RXFP2: variants seen among roughly 807,000 people sequenced by gnomAD.
RXFP2 encodes relaxin receptor 2.
In RXFP2, 68 loss-of-function variants were observed where a neutral mutation model predicts 88.6. The ratio of observed to expected loss-of-function variants is 0.77; its 90% CI spans 0.63 to 0.94. RXFP2 has a LOEUF of 0.94. Ranked by LOEUF, RXFP2 falls within the 40% of genes least tolerant of loss-of-function variation. RXFP2 has a pLI of 0.00. For missense variants in RXFP2, 791 were observed against 893.9 expected (o/e 0.88, Z 1.47); for synonymous variants, 329 against 306.8 (o/e 1.07, Z -0.76).
chr13:31,784,119 G>A (rs546837379), intron 11 of RXFP2, among the ~76,000 whole-genome samples: 27 of 151,512 alleles, frequency 1.8e-4, no homozygotes, highest in East Asian at 5.8e-4. Context: ...GAGCCACCAC[G>A]CCCAACCCAG....
In RXFP2 at chr13:31,777,429, T is replaced by G. The variant is rs764054176; in HGVS notation, c.695T>G (p.Leu232Ter). Reference sequence around the variant, plus strand: ...ATTTCACAGCGCTTGTTTACGGGATTAAATTCCTTGTTTTTCCTGTAAGTA... The same window carrying G: ...ATTTCACAGCGCTTGTTTACGGGATGAAATTCCTTGTTTTTCCTGTAAGTA... Reference protein sequence around the residue: ...TRISQRLFTGLNSLFFLSMVN... With the variant: ...TRISQRLFTG Residue 232 changes from leucine (L) to a stop codon, truncating the protein, a stop_gained, in exon 8 of 18, where the codon TTA becomes TGA. Transcript: ENST00000298386. LOFTEE classifies it high-confidence loss of function. 2.5e-5 allele frequency: 40 copies of G among 1,610,416 alleles called. No homozygotes were observed. In the Admixed American group the frequency reaches 4.3e-4, roughly 17 times the overall value.
At chr13:31,765,783 T>C (rs1455706153) in intron 4 of RXFP2, among the ~76,000 whole-genome samples, 173 bp from the exon 5 acceptor site, 1 of 152,202 alleles carries the variant, frequency 6.6e-6, no homozygotes, top group Non-Finnish European at 1.5e-5. Context: ...TACTTTATTT[T>C]GCTTTATAAA....
At chr13:31,769,973 T>C (rs1240115892) in intron 5 of RXFP2, among the ~76,000 whole-genome samples, 1 of 152,234 alleles carries the variant, frequency 6.6e-6, no homozygotes, top group South Asian at 2.1e-4. Flanking sequence ...AGAACAGCAC[T>C]AAATTGTCTT....
intron 17 of RXFP2, among the ~76,000 whole-genome samples, chr13:31,800,744 G>C (rs1201716441): frequency 6.6e-6 from 1 of 152,162 alleles, no homozygotes; most frequent in African/African-American, 2.4e-5. Context: ...TGTGAGATTG[G>C]GGTGGGATTC....
rs761843590 is a variant in RXFP2 at position 31,802,178 on chromosome 13, C to T, written c.2038C>T (p.Leu680Phe). ...TMTSWIVIFF[L>F]PVNSALNPIL... is the part of the protein sequence containing the mutation. ...GACTTCCTGGATAGTGATTTTTTTC[C>T]TTCCAGTTAACAGTGCTTTGAATCC... is the stretch of plus-strand genomic sequence containing the variant. Residue 680 changes from leucine (L) to phenylalanine (F), a missense_variant, in exon 18 of 18, where the codon CTT becomes TTT. Transcript: ENST00000298386. The T allele has an allele frequency of 1.2e-6, 2 of 1,612,824 alleles. No homozygotes were observed. The highest frequency in any genetic ancestry group is 1.3e-5 in the African/African-American group (1 of 74,750).
intron 16 of RXFP2, 25 bp downstream of exon 16, chr13:31,793,113 G>A (rs777526484): frequency 6.3e-7 from 1 of 1,578,702 alleles, no homozygotes; most frequent in Non-Finnish European, 8.7e-7. Flanking sequence ...TTCATTTCCT[G>A]GAAAAACATA....
chr13:31,801,420 T>C (rs191146480), intron 17 of RXFP2, among the ~76,000 whole-genome samples: 4 of 152,050 alleles, frequency 2.6e-5, no homozygotes, highest in Admixed American at 1.3e-4. Context: ...GCATAAGTGA[T>C]TCGCTCACAC....
rs771675779 is a variant in RXFP2 at position 31,792,889 on chromosome 13, T to A, written c.1587T>A (p.Ser529Arg). 1.9e-6 allele frequency: 3 copies of A among 1,614,170 alleles called. No individual in the cohort carries two copies. The Admixed American group carries it at 5.0e-5, about 27-fold the overall frequency. ...TCCTGGTCATTGTCTTCCCCTTCAG[T>A]AACATTCGACCTGGAAAACGGCAGA... ...EKFLVIVFPFSNIRPGKRQTS... is the reference protein window; with the variant it reads ...EKFLVIVFPFRNIRPGKRQTS... The change falls in exon 16 of 18, where the codon AGT becomes AGA. Residue 529 changes from serine to arginine, a missense_variant. Ser to Arg is a moderately radical substitution (Grantham distance 110). Coordinates refer to ENST00000298386, the MANE Select transcript of RXFP2 (RefSeq NM_130806.5).
intron 1 of RXFP2, among the ~76,000 whole-genome samples, chr13:31,749,100 C>G (rs2138388004): frequency 6.6e-6 from 1 of 152,260 alleles, no homozygotes; most frequent in African/African-American, 2.4e-5. Context: ...TTTGTATTCT[C>G]CTTAATACAT....
chr13:31,790,479 T>G (rs948584781), intron 14 of RXFP2, among the ~76,000 whole-genome samples: 11 of 152,240 alleles, frequency 7.2e-5, no homozygotes, highest in African/African-American at 2.4e-4. Context: ...AATTGCCTCC[T>G]GTTTCTCTTC....
intron 7 of RXFP2, among the ~76,000 whole-genome samples, chr13:31,776,118 C>CTTTCTTTCTT (rs1555284085): frequency 2.9e-5 from 4 of 139,426 alleles, no homozygotes; most frequent in African/African-American, 8.1e-5. Flanking sequence ...TTCTTTCTTT[C>CTTTCTTTCTT]TTTCTTTCTT....
At chr13:31,749,685 A>T (rs1370311524) in intron 1 of RXFP2, among the ~76,000 whole-genome samples, 3 of 152,216 alleles carry the variant, frequency 2.0e-5, no homozygotes, top group Non-Finnish European at 4.4e-5. Context: ...TGTGATTTTT[A>T]AAATGTTTCA....
chr13:31,800,559 G>C (rs1033926231), intron 17 of RXFP2, among the ~76,000 whole-genome samples: 1 of 152,156 alleles, frequency 6.6e-6, no homozygotes, highest in Non-Finnish European at 1.5e-5. Flanking sequence ...GCGACAGAGT[G>C]AGACTCCATT....
chr13:31,744,164 C>T (rs1271247583), intron 1 of RXFP2, among the ~76,000 whole-genome samples: 1 of 152,114 alleles, frequency 6.6e-6, no homozygotes, highest in Non-Finnish European at 1.5e-5. Flanking sequence ...CCAAATACCA[C>T]CAAATGAATA....
chr13:31,758,152 A>G, intron 1 of RXFP2, 106 bp from the exon 2 acceptor site: 1 of 1,094,974 alleles, frequency 9.1e-7, no homozygotes, highest in South Asian at 1.3e-5. Flanking sequence ...ACTAAGAATA[A>G]TACCAGATGA....
At chr13:31,773,472 T>C (rs1168873134) in intron 5 of RXFP2, among the ~76,000 whole-genome samples, 2 of 152,196 alleles carry the variant, frequency 1.3e-5, no homozygotes, top group Non-Finnish European at 2.9e-5. Context: ...CTTTCTTTTT[T>C]TAATTGAAGT....
chr13:31,761,593 A>G (rs1285178053), intron 2 of RXFP2, 131 bp from the exon 3 acceptor site: 2 of 663,562 alleles, frequency 3.0e-6, no homozygotes, highest in Non-Finnish European at 2.8e-6. Flanking sequence ...CTCTCTTACT[A>G]TGTATTTAAA....
chr13:31,786,411 C>G lies in RXFP2; in HGVS notation c.958C>G (p.Leu320Val). 2 of 1,608,002 alleles carry G rather than the reference C, an allele frequency of 1.2e-6. No homozygotes were observed. The highest frequency in any genetic ancestry group is 1.7e-6 in the Non-Finnish European group (2 of 1,174,514). Residue 320 changes from leucine (L) to valine (V), a missense_variant, in exon 12 of 18, where the codon CTA becomes GTA. Transcript: ENST00000298386. ...TCTGTCTAGCAATACGATAACGGAA[C>G]TATCACCTCACCTTTTTAAAGACTT... ...LDLSSNTITE[L>V]SPHLFKDLKL...
At chr13:31,771,672 G>T (rs1049305328) in intron 5 of RXFP2, among the ~76,000 whole-genome samples, 1 of 151,820 alleles carries the variant, frequency 6.6e-6, no homozygotes, top group Non-Finnish European at 1.5e-5. Context: ...TGCATCTGTA[G>T]TCCCAGCTAC....
Sources: allele counts gnomAD v4.1 joint callset (sites outside exome capture counted in the v4.1 genomes callset), GRCh38; gene constraint gnomAD v4.1.1; transcripts MANE v1.5; gene names NCBI Gene and HGNC (gene_info 2026-07-23, HGNC 2026-07-21).